NOP10: variants seen among roughly 807,000 people sequenced by gnomAD.
NOP10 encodes NOP10 ribonucleoprotein, also known as H/ACA ribonucleoprotein complex subunit 3.
A neutral mutation model predicts 9.5 loss-of-function variants in NOP10; 6 were observed. The ratio of observed to expected loss-of-function variants is 0.63; its 90% confidence interval spans 0.35 to 1.25. NOP10 has a LOEUF of 1.25. NOP10 is among the 50% of genes most tolerant of loss of function. NOP10 has a pLI of 0.03. For missense variants in NOP10, 75 were observed against 81.3 expected (o/e 0.92, Z 0.30); for synonymous variants, 28 against 30.7 (o/e 0.91, Z 0.29).
At position 34,341,720 on chromosome 15, in the gene NOP10, T is replaced by C; in HGVS notation, c.*248A>G. The C allele has an allele frequency of 2.0e-6, 1 of 505,412 alleles. No individual in the cohort carries two copies. The highest frequency in any genetic ancestry group is 3.7e-5 in the East Asian group (1 of 27,130). The allele number at this position is 505,412 out of a possible 1,614,324, so 31.3% of individuals were successfully genotyped here. A position where few individuals can be genotyped will look rare whatever the true frequency, so the allele number is the denominator to read the frequency against. ...CTCCAACAACTCACAAAATAAGAGTTTTTCAAATCATTTTATCTTTAATAA... is the reference window on the plus strand; with the variant it reads ...CTCCAACAACTCACAAAATAAGAGTCTTTCAAATCATTTTATCTTTAATAA... On this transcript the variant is annotated 3_prime_UTR_variant, in exon 2 of 2. Coordinates refer to ENST00000328848, the MANE Select transcript of NOP10 (RefSeq NM_018648.4).
chr15:34,343,080 T>G lies in NOP10; in HGVS notation c.-7A>C. On this transcript the variant is annotated 5_prime_UTR_variant, in exon 1 of 2. Transcript: ENST00000328848. ...GGTAATACTGGAGAAACATGATCGC[T>G]TATAAGCCAGCGGTCCCAATTCGGT... 6.2e-7 allele frequency: 1 copy of G among 1,614,120 alleles called. No homozygotes were observed. Among genetic ancestry groups the G allele is most frequent in the Non-Finnish European group, 8.5e-7 (1 of 1,179,974 alleles).
intron 1 of NOP10, among the ~76,000 whole-genome samples, chr15:34,342,564 TAAA>T (rs750902937): frequency 8.8e-5 from 9 of 102,722 alleles, no homozygotes; most frequent in Admixed American, 3.2e-4. Flanking sequence ...TCCCTGTCTT[TAAA>T]AAAAAAAAAA....
chr15:34,342,882 G>A (rs990753210), intron 1 of NOP10, 138 bp downstream of exon 1: 7 of 823,956 alleles, frequency 8.5e-6, no homozygotes, highest in Admixed American at 1.9e-5. Context: ...TGAGTCGCGC[G>A]GTCCCGGTTC....
chr15:34,342,973 T>G, intron 1 of NOP10, 47 bp downstream of exon 1: 1 of 1,554,212 alleles, frequency 6.4e-7, no homozygotes, highest in South Asian at 1.1e-5. Context: ...ACTCCTCCCA[T>G]CTACATTTCT....
chr15:34,342,217 A>G (rs1890490905), intron 1 of NOP10, 109 bp from the exon 2 acceptor site: 1 of 968,042 alleles, frequency 1.0e-6, no homozygotes, highest in Admixed American at 1.9e-5. Flanking sequence ...TCAACTCAAA[A>G]AGTTGTACAA....
chr15:34,341,906 G>GT lies in NOP10; in HGVS notation c.*61dup. 3.2e-6 allele frequency: 5 copies of GT among 1,567,884 alleles called. No individual in the cohort carries two copies. The highest frequency in any genetic ancestry group is 4.4e-6 in the Non-Finnish European group (5 of 1,141,464). On this transcript the variant is annotated 3_prime_UTR_variant, in exon 2 of 2. Transcript: ENST00000328848. The stretch of plus-strand genomic sequence containing the variant: ...GGCATCAGGGCTCACAGTCCGAAGA[G>GT]TTTGGTTACGGAGTCTCCGAGGGGT...
chr15:34,342,176 A>G, intron 1 of NOP10, 68 bp from the exon 2 acceptor site: 1 of 1,360,592 alleles, frequency 7.3e-7, no homozygotes, highest in Non-Finnish European at 1.1e-6. Context: ...AGCGCGAAAA[A>G]GGGCAAACAT....
At position 34,342,063 on chromosome 15, in the gene NOP10, G is replaced by A. The variant is rs121908092; in HGVS notation, c.100C>T (p.Arg34Trp). 1 of 1,614,036 alleles carries A rather than the reference G, an allele frequency of 6.2e-7. No individual in the cohort carries two copies. The highest frequency in any genetic ancestry group is 1.1e-5 in the South Asian group (1 of 91,076). Residue 34 changes from arginine (R) to tryptophan (W), a missense_variant, in exon 2 of 2, where the codon CGG (arginine) becomes TGG (tryptophan). Coordinates refer to ENST00000328848, the MANE Select transcript of NOP10 (RefSeq NM_018648.4). ...GQQTCSAHPA[R>W]FSPDDKYSRH... Reference sequence around the variant, plus strand: ...GAGTATTTGTCATCTGGGGAGAACCGAGCAGGATGGGCTGAGCAGGTCTGT... The same window carrying A: ...GAGTATTTGTCATCTGGGGAGAACCAAGCAGGATGGGCTGAGCAGGTCTGT...
Position 34,341,897 on chromosome 15 carries a change from G to A in NOP10, c.*71C>T. 1 of 1,520,938 alleles carries A rather than the reference G, an allele frequency of 6.6e-7. No homozygotes were observed. The highest frequency in any genetic ancestry group is 9.1e-7 in the Non-Finnish European group (1 of 1,101,838). 94.2% of individuals were successfully genotyped at this position (1,520,938 alleles called of 1,614,324 possible). ...TGGCAAAAAGGCATCAGGGCTCACA[G>A]TCCGAAGAGTTTGGTTACGGAGTCT... On this transcript the variant is annotated 3_prime_UTR_variant, in exon 2 of 2. Coordinates refer to ENST00000328848, the MANE Select transcript of NOP10 (RefSeq NM_018648.4).
chr15:34,342,462 G>T (rs1307956929), intron 1 of NOP10, among the ~76,000 whole-genome samples: 2 of 147,956 alleles, frequency 1.4e-5, no homozygotes, highest in African/African-American at 2.7e-5. Flanking sequence ...TACTCGGGAG[G>T]CTGAGGCAGA....
chr15:34,342,952 T>C, intron 1 of NOP10, 68 bp downstream of exon 1: 1 of 1,435,482 alleles, frequency 7.0e-7, no homozygotes, highest in East Asian at 2.3e-5. Flanking sequence ...ACTCCACGTA[T>C]GACCTCACCC....
rs141981162 is a variant in NOP10 at position 34,342,119 on chromosome 15, A to G, written c.55-11T>C. The G allele has an allele frequency of 5.8e-4, 933 of 1,614,048 alleles. 5 individuals are homozygous for G. The African/African-American group carries it at 9.8e-3, about 17-fold the overall frequency. ...CATCGGGTCAAATTTCTGCTCCAGGAACACAGAATGTATGTCAGTACAGGA... is the reference window on the plus strand; with the variant it reads ...CATCGGGTCAAATTTCTGCTCCAGGGACACAGAATGTATGTCAGTACAGGA... On this transcript the variant is annotated splice_polypyrimidine_tract_variant and intron_variant, in intron 1 of 1. Coordinates refer to ENST00000328848, the MANE Select transcript of NOP10 (RefSeq NM_018648.4).
chr15:34,342,666 C>T (rs935258527), intron 1 of NOP10, among the ~76,000 whole-genome samples: 2 of 151,984 alleles, frequency 1.3e-5, no homozygotes, highest in Non-Finnish European at 2.9e-5. Flanking sequence ...CCTGTCTCAG[C>T]CTCCCGAGTA....
In NOP10 at chr15:34,343,097, C is replaced by T; in HGVS notation, c.-24G>A. On this transcript the variant is annotated 5_prime_UTR_variant, in exon 1 of 2. Coordinates refer to ENST00000328848, the MANE Select transcript of NOP10 (RefSeq NM_018648.4). ...ATGATCGCTTATAAGCCAGCGGTCC[C>T]AATTCGGTCCACCGCTCAGTCTGCA... The T allele has an allele frequency of 6.2e-7, 1 of 1,613,254 alleles. No homozygotes were observed. The highest frequency in any genetic ancestry group is 1.3e-5 in the African/African-American group (1 of 75,034).
rs777217218 is a variant in NOP10, at chr15:34,341,925, G to A, written c.*43C>T. On this transcript the variant is annotated 3_prime_UTR_variant, in exon 2 of 2. Coordinates refer to ENST00000328848, the MANE Select transcript of NOP10 (RefSeq NM_018648.4). ...CGAAGAGTTTGGTTACGGAGTCTCC[G>A]AGGGGTAACAGGTGGCAGAAAAGAC... 5.0e-6 allele frequency: 8 copies of A among 1,608,386 alleles called. No individual in the cohort carries two copies. Among genetic ancestry groups the A allele is most frequent in the Middle Eastern group, 2.1e-4 (1 of 4,712 alleles).
Position 34,341,928 on chromosome 15 carries a change from G to GGGTA in NOP10, c.*36_*39dup, listed in dbSNP as rs1890483247. On this transcript the variant is annotated 3_prime_UTR_variant, in exon 2 of 2. Coordinates refer to ENST00000328848, the MANE Select transcript of NOP10 (RefSeq NM_018648.4). Reference sequence around the variant, plus strand: ...AGAGTTTGGTTACGGAGTCTCCGAGGGGTAACAGGTGGCAGAAAAGACATC... The same window carrying GGGTA: ...AGAGTTTGGTTACGGAGTCTCCGAGGGGTAGGTAACAGGTGGCAGAAAAGACATC... The GGGTA allele has an allele frequency of 6.2e-7, 1 of 1,609,874 alleles. No individual in the cohort carries two copies. Among genetic ancestry groups the GGGTA allele is most frequent in the Non-Finnish European group, 8.5e-7 (1 of 1,177,844 alleles).
chr15:34,343,047 C>T lies in NOP10; in HGVS notation c.27G>A (p.Glu9=), dbSNP rs373678744. The T allele has an allele frequency of 1.9e-6, 3 of 1,614,188 alleles. No homozygotes were observed. Among genetic ancestry groups the T allele is most frequent in the African/African-American group, 2.7e-5 (2 of 75,052 alleles). The change falls in exon 1 of 2, where the codon GAG becomes GAA. Residue 9 remains glutamate, a synonymous_variant. Coordinates refer to ENST00000328848, the MANE Select transcript of NOP10 (RefSeq NM_018648.4). MFLQYYLN[E]QGDRVYTLKK... ...TCAGCGTATAGACTCGATCTCCCTG[C>T]TCGTTGAGGTAATACTGGAGAAACA...
At chr15:34,342,892 C>T in intron 1 of NOP10, 128 bp downstream of exon 1, 1 of 917,722 alleles carries the variant, frequency 1.1e-6, no homozygotes, top group Non-Finnish European at 1.8e-6. Flanking sequence ...GGTCCCGGTT[C>T]TTCCCCACCT....
Position 34,342,676 on chromosome 15 carries a change from A to G in NOP10, c.54+344T>C, listed in dbSNP as rs532035376. ...ATTCTCCTGTCTCAGCCTCCCGAGT[A>G]GCTGGGATAACAGGCGCACACCGCC... On this transcript the variant is annotated intron_variant, in intron 1 of 1. Transcript: ENST00000328848. 4.0e-5 allele frequency among the ~76,000 whole-genome samples: 6 copies of G among 151,588 alleles called. No individual in the cohort carries two copies. The South Asian group carries it at 8.3e-4, about 21-fold the overall frequency.
Sources: gnomAD v4.1 joint callset for allele counts (sites outside exome capture counted in the v4.1 genomes callset) on GRCh38, gnomAD v4.1.1 for gene constraint, MANE v1.5 for transcripts, NCBI Gene and HGNC (gene_info 2026-07-23, HGNC 2026-07-21) for gene names.